Variants in KIF15 observed in about 807,000 individuals in gnomAD.
The protein encoded by KIF15 is kinesin-like protein KIF15.
KIF15 carries 140 observed loss-of-function variants against 190.6 expected under a neutral mutation model. That is an observed-to-expected ratio of 0.73 (90% CI 0.64 to 0.84). The LOEUF is 0.84. KIF15 is among the 40% of genes least tolerant of loss of function. The pLI, the probability that KIF15 is intolerant of heterozygous loss-of-function variation, is 0.00. For synonymous variants in KIF15, 528 were observed against 551.3 expected (o/e 0.96, Z 0.59); for missense variants, 1,372 against 1,584.4 (o/e 0.87, Z 2.28).
intron 20 of KIF15, among the ~76,000 whole-genome samples, chr3:44,819,216 C>G (rs1017222641): frequency 6.6e-6 from 1 of 151,982 alleles, no homozygotes; most frequent in Non-Finnish European, 1.5e-5. Flanking sequence ...CATTAATTTT[C>G]TGAAGGGTTT....
chr3:44,864,184 C>T (rs763911889), intron 6 of KIF15: 3 of 1,613,388 alleles, frequency 1.9e-6, no homozygotes, highest in African/African-American at 1.3e-5. Flanking sequence ...TGCAGTGACA[C>T]TTTCTCCTGC....
In KIF15 at chr3:44,852,319, G is replaced by A. The variant is rs1181913516; in HGVS notation, c.4084G>A (p.Glu1362Lys). The change falls in exon 34 of 35, where the codon GAA becomes AAA. Residue 1362 changes from glutamate (E) to lysine (K), a missense_variant. Coordinates refer to ENST00000326047, the MANE Select transcript of KIF15 (RefSeq NM_020242.3). Reference protein sequence around the residue: ...KIQYVVRLKKENVRLAEETEK... With the variant: ...KIQYVVRLKKKNVRLAEETEK... ...TCAGTACGTAGTGCGACTAAAGAAG[G>A]AAAATGTCAGGCTTGCTGAGGTAAA... The A allele has an allele frequency of 1.9e-6, 3 of 1,610,312 alleles. No individual in the cohort carries two copies. The East Asian group carries it at 6.7e-5, about 36-fold the overall frequency.
intron 1 of KIF15, among the ~76,000 whole-genome samples, chr3:44,769,626 G>T (rs1007462858): frequency 7.2e-5 from 11 of 152,150 alleles, no homozygotes; most frequent in Non-Finnish European, 1.6e-4. Context: ...CACCTGTGCT[G>T]TGCTTTTTAA....
chr3:44,830,017 C>A lies in KIF15; in HGVS notation c.2990C>A (p.Ser997Ter). 6.3e-7 allele frequency: 1 copy of A among 1,597,384 alleles called. No individual in the cohort carries two copies. Among genetic ancestry groups the A allele is most frequent in the South Asian group, 1.1e-5 (1 of 89,022 alleles). The stretch of plus-strand genomic sequence containing the variant: ...AACCAGATCCAGGAGCTAAGAACAT[C>A]GGTCTGTGAGAAAACAGAAACTATA... ...LMNQIQELRT[S>*]VCEKTETIDT... Residue 997 changes from serine (S) to a stop codon, truncating the protein, a stop_gained, in exon 25 of 35, where the codon TCG becomes TAG. Transcript: ENST00000326047. LOFTEE classifies it high-confidence loss of function.
At chr3:44,806,058 C>A in intron 16 of KIF15, 72 bp downstream of exon 16, 1 of 1,495,464 alleles carries the variant, frequency 6.7e-7, no homozygotes, top group Non-Finnish European at 9.2e-7. Flanking sequence ...AGAGAGTCTG[C>A]ATGGTCTATC....
At chr3:44,831,150 A>C in intron 26 of KIF15, 132 bp downstream of exon 26, 1 of 1,029,282 alleles carries the variant, frequency 9.7e-7, no homozygotes, top group Non-Finnish European at 1.4e-6. Context: ...GATGTGCCTC[A>C]AGACGCTTCA....
chr3:44,775,792 C>G (rs1252437751), intron 3 of KIF15, among the ~76,000 whole-genome samples: 1 of 151,654 alleles, frequency 6.6e-6, no homozygotes, highest in East Asian at 2.0e-4. Flanking sequence ...CTCCAAATTT[C>G]ATTTCTTGGC....
At chr3:44,829,647 A>G (rs1252119346) in intron 24 of KIF15, among the ~76,000 whole-genome samples, 2 of 132,262 alleles carry the variant, frequency 1.5e-5, no homozygotes, top group Admixed American at 8.7e-5. Context: ...TATATATTAT[A>G]TATGTATATA....
intron 7 of KIF15, 88 bp downstream of exon 7, chr3:44,786,662 C>T: frequency 9.7e-7 from 1 of 1,027,350 alleles, no homozygotes; most frequent in Non-Finnish European, 1.4e-6. Context: ...AATTGAGGTA[C>T]CAAAAATATG....
chr3:44,864,391 G>A, intron 6 of KIF15: 5 of 1,611,034 alleles, frequency 3.1e-6, no homozygotes, highest in Non-Finnish European at 4.2e-6. Flanking sequence ...CTGGGTTCTG[G>A]GTGAGTTGTC....
intron 18 of KIF15, 111 bp downstream of exon 18, chr3:44,812,400 C>A: frequency 1.4e-6 from 1 of 732,564 alleles, no homozygotes; most frequent in Non-Finnish European, 2.3e-6. Context: ...GAAACATATT[C>A]AGAGAGTATC....
intron 7 of KIF15, among the ~76,000 whole-genome samples, chr3:44,790,876 A>G (rs1481103444): frequency 1.3e-5 from 2 of 151,762 alleles, no homozygotes; most frequent in African/African-American, 4.8e-5. Context: ...TATTTTTAGT[A>G]GAGATGAGGT....
intron 6 of KIF15, among the ~76,000 whole-genome samples, chr3:44,864,830 G>C (rs193247609): frequency 2.6e-5 from 4 of 152,274 alleles, no homozygotes; most frequent in African/African-American, 9.6e-5. Context: ...ACTTTGCTGA[G>C]GTCCAGTGCA....
intron 6 of KIF15, among the ~76,000 whole-genome samples, chr3:44,786,155 G>A (rs1247698540): frequency 6.6e-6 from 1 of 152,190 alleles, no homozygotes; most frequent in Non-Finnish European, 1.5e-5. Context: ...GGCAGAGCTT[G>A]CAGTGAGCCA....
chr3:44,860,498 T>C (rs376409178), intron 6 of KIF15, among the ~76,000 whole-genome samples: 5 of 152,306 alleles, frequency 3.3e-5, no homozygotes, highest in African/African-American at 9.6e-5. Context: ...GCTTCCCAAG[T>C]AGCTGGGAAT....
chr3:44,821,145 C>T (rs1397729019), intron 20 of KIF15, among the ~76,000 whole-genome samples: 44 of 148,334 alleles, frequency 3.0e-4, no homozygotes, highest in Non-Finnish European at 5.8e-4. Flanking sequence ...CCCCCACCTC[C>T]CTCCCGGACG....
At chr3:44,827,551 T>A in intron 23 of KIF15, 23 bp downstream of exon 23, 1 of 1,490,476 alleles carries the variant, frequency 6.7e-7, no homozygotes, top group Non-Finnish European at 9.3e-7. Flanking sequence ...TTACTCTAAC[T>A]CTAGTATTTG....
At position 44,813,251 on chromosome 3, in the gene KIF15, A is replaced by G. The variant is rs749439018; in HGVS notation, c.2383+71A>G. 4 of 867,468 alleles carry G rather than the reference A, an allele frequency of 4.6e-6. No homozygotes were observed. In the South Asian group the frequency reaches 6.5e-5, roughly 14 times the overall value. 53.7% of individuals were successfully genotyped at this position (867,468 alleles called of 1,614,324 possible). ...ACTCAATATCTTTTTACTTTTATTA[A>G]TAAATGCTGTTCCTATGTTTTTGGA... is the stretch of plus-strand genomic sequence containing the variant. On this transcript the variant is annotated intron_variant, in intron 19 of 34. Coordinates refer to ENST00000326047, the MANE Select transcript of KIF15 (RefSeq NM_020242.3).
At chr3:44,763,886 C>T (rs1705268607) in intron 1 of KIF15, among the ~76,000 whole-genome samples, 1 of 152,044 alleles carries the variant, frequency 6.6e-6, no homozygotes, top group Non-Finnish European at 1.5e-5. Context: ...CAGGGTTTCA[C>T]CATGTTGCCC....
Sources: allele counts gnomAD v4.1 joint callset (sites outside exome capture counted in the v4.1 genomes callset), GRCh38; gene constraint gnomAD v4.1.1; transcripts MANE v1.5; gene names NCBI Gene and HGNC (gene_info 2026-07-23, HGNC 2026-07-21).